The following NLGN1 variants were observed in gnomAD, a reference collection of about 807,000 sequenced individuals.
NLGN1 encodes neuroligin 1.
A neutral mutation model predicts 65.5 loss-of-function variants in NLGN1; 12 were observed. The ratio of observed to expected loss-of-function variants is 0.18; its 90% CI spans 0.12 to 0.30. NLGN1 has a LOEUF of 0.30. Among genes scored for constraint, NLGN1 ranks in the 10% least tolerant of loss-of-function variants. NLGN1 has a pLI of 1.00. For missense variants in NLGN1, 750 were observed against 1,007.1 expected (o/e 0.74, Z 3.46); for synonymous variants, 350 against 359.5 (o/e 0.97, Z 0.30).
At chr3:173,977,140 A>G (rs1427960867) in intron 4 of NLGN1, among the ~76,000 whole-genome samples, 1 of 150,886 alleles carries the variant, frequency 6.6e-6, no homozygotes, top group Non-Finnish European at 1.5e-5. Flanking sequence ...CACACACACC[A>G]TTTCAACTGT....
In NLGN1 at chr3:173,934,614, A is replaced by G. The variant is rs143980400; in HGVS notation, c.646+126782A>G. On this transcript the variant is annotated intron_variant, in intron 4 of 6. Transcript: ENST00000457714. The stretch of plus-strand genomic sequence containing the variant: ...TCTCAAGACAGAGGTCACATTTCAC[A>G]CTTTATCTTCCCCTGATCTTTTACA... 3.5e-3 allele frequency among the ~76,000 whole-genome samples: 527 copies of G among 152,052 alleles called. 29 individuals are homozygous for G. In the East Asian group the frequency reaches 0.089, roughly 26 times the overall value.
intron 3 of NLGN1, among the ~76,000 whole-genome samples, chr3:173,702,638 C>T (rs1487829644): frequency 3.3e-5 from 5 of 152,104 alleles, no homozygotes; most frequent in South Asian, 4.1e-4. Flanking sequence ...ATATAATAAT[C>T]GCCTTTTATT....
chr3:173,694,730 C>T (rs1300206029), intron 3 of NLGN1, among the ~76,000 whole-genome samples: 1 of 152,126 alleles, frequency 6.6e-6, no homozygotes, highest in African/African-American at 2.4e-5. Flanking sequence ...CTAGGGCTTA[C>T]AGCACTTCTA....
rs567798800 is a variant in NLGN1, at chr3:173,815,435, C to T, written c.646+7603C>T. ...TTTCTTATACTCTACTGAGAAAACC[C>T]TTGTCAAGATTCCCAAAGACCTCTA... On this transcript the variant is annotated intron_variant, in intron 4 of 6. Transcript: ENST00000457714. Among the ~76,000 whole-genome samples the T allele has an allele frequency of 3.3e-5, 5 of 152,180 alleles. No individual in the cohort carries two copies. In the East Asian group the frequency reaches 7.7e-4, roughly 24 times the overall value.
At chr3:173,632,250 G>A (rs1755807474) in intron 3 of NLGN1, among the ~76,000 whole-genome samples, 1 of 152,160 alleles carries the variant, frequency 6.6e-6, no homozygotes, top group South Asian at 2.1e-4. Context: ...ATATCACTTT[G>A]TGTTTCTTGA....
At chr3:173,668,543 T>A (rs1207943039) in intron 3 of NLGN1, among the ~76,000 whole-genome samples, 1 of 152,128 alleles carries the variant, frequency 6.6e-6, no homozygotes, top group Non-Finnish European at 1.5e-5. Context: ...TGTGAAAGGC[T>A]TGGCCATTCT....
chr3:173,923,898 G>C (rs2152270045), intron 4 of NLGN1, among the ~76,000 whole-genome samples: 1 of 152,042 alleles, frequency 6.6e-6, no homozygotes, highest in Non-Finnish European at 1.5e-5. Flanking sequence ...CATATAACTT[G>C]GAAAAAGTTC....
intron 4 of NLGN1, among the ~76,000 whole-genome samples, chr3:173,921,969 A>G (rs1363707518): frequency 6.6e-6 from 1 of 152,146 alleles, no homozygotes; most frequent in African/African-American, 2.4e-5. Context: ...CAGCTACAGC[A>G]GAGCCCAATT....
chr3:174,287,585 G>A (rs561234212), downstream of NLGN1, among the ~76,000 whole-genome samples: 1 of 151,538 alleles, frequency 6.6e-6, no homozygotes, highest in South Asian at 2.1e-4. Flanking sequence ...AAATATACTC[G>A]TGAATGTTCA....
chr3:173,984,412 C>T (rs1225945899), intron 4 of NLGN1, among the ~76,000 whole-genome samples: 2 of 152,104 alleles, frequency 1.3e-5, no homozygotes, highest in African/African-American at 4.8e-5. Context: ...TCATTGAGAC[C>T]TAAACATTGA....
intron 2 of NLGN1, among the ~76,000 whole-genome samples, chr3:173,443,966 T>G (rs1719696625): frequency 6.6e-6 from 1 of 152,222 alleles, no homozygotes; most frequent in Non-Finnish European, 1.5e-5. Context: ...TAAGATTGTA[T>G]CGATACTTCG....
chr3:173,812,769 A>G (rs1718225059), intron 4 of NLGN1, among the ~76,000 whole-genome samples: 1 of 147,104 alleles, frequency 6.8e-6, no homozygotes, highest in Admixed American at 6.8e-5. Flanking sequence ...GTATATATAT[A>G]TATGTGTGTG....
chr3:174,266,047 T>TATA (rs1553984755), intron 4 of NLGN1, among the ~76,000 whole-genome samples: 15 of 63,452 alleles, frequency 2.4e-4, no homozygotes, highest in South Asian at 1.1e-3. Context: ...TATATATATA[T>TATA]TTTTTTTTTC....
intron 2 of NLGN1, among the ~76,000 whole-genome samples, chr3:173,502,289 T>G (rs1473131991): frequency 6.6e-6 from 1 of 152,108 alleles, no homozygotes; most frequent in Non-Finnish European, 1.5e-5. Flanking sequence ...TAAGAGAAGA[T>G]CTTACTTTCC....
Position 173,969,469 on chromosome 3 carries a change from C to T in NLGN1, c.646+161637C>T, listed in dbSNP as rs530099653. ...TTCATAAACACTAAAAATTAAATAT[C>T]GCTAGTAAATATAGTGGGCACTATC... On this transcript the variant is annotated intron_variant, in intron 4 of 6. Coordinates refer to ENST00000457714, the Ensembl canonical transcript of NLGN1. 1.3e-4 allele frequency among the ~76,000 whole-genome samples: 20 copies of T among 152,108 alleles called. No homozygotes were observed. The Middle Eastern group carries it at 0.014, about 104-fold the overall frequency.
At chr3:174,248,724 G>C (rs1744249892) in intron 4 of NLGN1, among the ~76,000 whole-genome samples, 1 of 152,194 alleles carries the variant, frequency 6.6e-6, no homozygotes, top group African/African-American at 2.4e-5. Context: ...TCGTGCCACT[G>C]CACTGTAGCC....
At chr3:173,937,924 G>A (rs1161680790) in intron 4 of NLGN1, among the ~76,000 whole-genome samples, 1 of 152,072 alleles carries the variant, frequency 6.6e-6, no homozygotes, top group African/African-American at 2.4e-5. Flanking sequence ...TGTAATATTT[G>A]TAAATGTGAC....
chr3:173,658,573 T>G (rs1046020586), intron 3 of NLGN1, among the ~76,000 whole-genome samples: 2 of 152,038 alleles, frequency 1.3e-5, no homozygotes, highest in Non-Finnish European at 2.9e-5. Context: ...TTCTGATGAG[T>G]CCATTCTTAG....
At chr3:173,886,030 C>T (rs993903057) in intron 4 of NLGN1, among the ~76,000 whole-genome samples, 1 of 152,044 alleles carries the variant, frequency 6.6e-6, no homozygotes, top group Non-Finnish European at 1.5e-5. Context: ...TTATTTAAAA[C>T]CGTCATATCC....
Sources: gnomAD v4.1 joint callset for allele counts (sites outside exome capture counted in the v4.1 genomes callset) on GRCh38, gnomAD v4.1.1 for gene constraint, MANE v1.5 for transcripts, NCBI Gene and HGNC (gene_info 2026-07-23, HGNC 2026-07-21) for gene names.